TOM1L2: variants seen among roughly 807,000 people sequenced by gnomAD.
TOM1L2 encodes TOM1-like protein 2.
TOM1L2 carries 31 observed loss-of-function variants against 67.9 expected under a neutral mutation model. That is an observed-to-expected ratio of 0.46 (90% confidence interval 0.34 to 0.62). The LOEUF (loss-of-function observed/expected upper bound fraction) is 0.62. TOM1L2 is among the 20% of genes least tolerant of loss of function. TOM1L2 has a pLI of 0.01. For synonymous variants in TOM1L2, 256 were observed against 254.0 expected, an observed-to-expected ratio of 1.01 and a Z score of -0.07; for missense variants, 606 against 663.5, an observed-to-expected ratio of 0.91 and a Z score of 0.95.
Position 17,889,645 on chromosome 17 carries a change from C to A in TOM1L2, c.366+4016G>T, listed in dbSNP as rs569884681. On this transcript the variant is annotated intron_variant, in intron 4 of 14. Coordinates refer to ENST00000379504, the MANE Select transcript of TOM1L2 (RefSeq NM_001082968.2). ...AGGCACGTCTGTGTGGCCCCTTTAC[C>A]TTGAAAGCTTTTCAAGTGCTAACAC... 2.3e-4 allele frequency among the ~76,000 whole-genome samples: 35 copies of A among 152,310 alleles called. No individual in the cohort carries two copies. The South Asian group carries it at 7.0e-3, about 31-fold the overall frequency.
At chr17:17,952,943 T>C (rs574144301) in intron 1 of TOM1L2, among the ~76,000 whole-genome samples, 1 of 152,196 alleles carries the variant, frequency 6.6e-6, no homozygotes, top group East Asian at 1.9e-4. Context: ...AAAAGGTGTA[T>C]ACACATTCTC....
chr17:17,919,640 G>C (rs936171250), intron 1 of TOM1L2, among the ~76,000 whole-genome samples: 1 of 152,198 alleles, frequency 6.6e-6, no homozygotes, highest in Non-Finnish European at 1.5e-5. Flanking sequence ...CCAGGAAGTG[G>C]GGCATGGGGG....
intron 4 of TOM1L2, among the ~76,000 whole-genome samples, chr17:17,890,458 G>A (rs562577842): frequency 2.0e-5 from 3 of 152,314 alleles, no homozygotes; most frequent in South Asian, 2.1e-4. Flanking sequence ...GAAAAGTCAA[G>A]TGCTAGATGC....
At chr17:17,959,495 C>G (rs2041600828) in intron 1 of TOM1L2, among the ~76,000 whole-genome samples, 1 of 152,198 alleles carries the variant, frequency 6.6e-6, no homozygotes, top group Non-Finnish European at 1.5e-5. Context: ...CTAGAGTCTT[C>G]TGATTCTTTG....
intron 1 of TOM1L2, among the ~76,000 whole-genome samples, chr17:17,962,049 G>A (rs985306545): frequency 6.6e-6 from 1 of 152,178 alleles, no homozygotes; most frequent in Non-Finnish European, 1.5e-5. Flanking sequence ...TAACAAGGAA[G>A]GAAACTTTGA....
intron 4 of TOM1L2, among the ~76,000 whole-genome samples, chr17:17,892,679 A>G (rs2038353448): frequency 6.6e-6 from 1 of 151,796 alleles, no homozygotes; most frequent in Admixed American, 6.6e-5. Flanking sequence ...GGTCTCTACA[A>G]CATGTCCACA....
Position 17,847,542 on chromosome 17 carries a change from G to A in TOM1L2, c.*93C>T, listed in dbSNP as rs1022317907. 58 of 1,479,044 alleles carry A rather than the reference G, an allele frequency of 3.9e-5. No homozygotes were observed. Among genetic ancestry groups the A allele is most frequent in the African/African-American group, 2.0e-4 (14 of 71,504 alleles). The allele number at this position is 1,479,044 out of a possible 1,614,324, so 91.6% of individuals were successfully genotyped here. ...CCATGGAAACACAGGTGTGCAGGCC[G>A]TGTGGAGCTGGGGATGTAGGAGTGG... On this transcript the variant is annotated 3_prime_UTR_variant, in exon 15 of 15. Transcript: ENST00000379504.
chr17:17,921,978 CAG>C (rs1258315924), intron 1 of TOM1L2, among the ~76,000 whole-genome samples: 2 of 152,240 alleles, frequency 1.3e-5, no homozygotes, highest in Non-Finnish European at 1.5e-5. Context: ...CTCCCGATGA[CAG>C]AGACACATCC....
In TOM1L2 at chr17:17,937,429, G is replaced by A. The variant is rs555853459; in HGVS notation, c.53-29898C>T. Among the ~76,000 whole-genome samples the A allele has an allele frequency of 3.3e-5, 5 of 152,292 alleles. No homozygotes were observed. The South Asian group carries it at 8.3e-4, about 25-fold the overall frequency. On this transcript the variant is annotated intron_variant, in intron 1 of 14. Coordinates refer to ENST00000379504, the MANE Select transcript of TOM1L2 (RefSeq NM_001082968.2). ...CTCACACCTGGGTCCCATCAGGCTC[G>A]GATTAGGGGACTTTCACAGGTAAGA...
intron 7 of TOM1L2, among the ~76,000 whole-genome samples, chr17:17,874,364 A>G (rs2037316624): frequency 6.6e-6 from 1 of 150,966 alleles, no homozygotes; most frequent in South Asian, 2.1e-4. Context: ...TCCGCCTCCC[A>G]GGTTCAAGCA....
intron 9 of TOM1L2, 44 bp downstream of exon 9, chr17:17,866,832 A>G: frequency 6.4e-7 from 1 of 1,573,822 alleles, no homozygotes; most frequent in Non-Finnish European, 8.7e-7. Flanking sequence ...GTGGAGGGGT[A>G]GGTCTGGCCT....
At chr17:17,937,704 G>T (rs1223131607) in intron 1 of TOM1L2, among the ~76,000 whole-genome samples, 1 of 152,186 alleles carries the variant, frequency 6.6e-6, no homozygotes, top group Non-Finnish European at 1.5e-5. Context: ...TTTTCCTGCA[G>T]GCTGTAGGAA....
chr17:17,852,757 G>C (rs1352777955), intron 12 of TOM1L2, among the ~76,000 whole-genome samples: 1 of 151,482 alleles, frequency 6.6e-6, no homozygotes, highest in Non-Finnish European at 1.5e-5. Flanking sequence ...CCCAGCTACT[G>C]GGGAGGCTGA....
chr17:17,895,293 A>T (rs972486530), intron 3 of TOM1L2, among the ~76,000 whole-genome samples: 4 of 152,196 alleles, frequency 2.6e-5, no homozygotes, highest in African/African-American at 9.7e-5. Flanking sequence ...TGTCACCAGC[A>T]ACAGGGAACA....
At chr17:17,972,205 C>A in intron 1 of TOM1L2, 57 bp downstream of exon 1, 1 of 1,546,594 alleles carries the variant, frequency 6.5e-7, no homozygotes, top group South Asian at 1.2e-5. Context: ...CCGCGGTCCT[C>A]ACCAGCCGGA....
chr17:17,926,689 CTTTACAAA>C (rs2040098407), intron 1 of TOM1L2, among the ~76,000 whole-genome samples: 1 of 152,016 alleles, frequency 6.6e-6, no homozygotes, highest in African/African-American at 2.4e-5. Context: ...GAAACTCCAT[CTTTACAAA>C]ATATACAAAA....
intron 12 of TOM1L2, among the ~76,000 whole-genome samples, chr17:17,853,244 T>C (rs142473918): frequency 5.5e-4 from 84 of 152,258 alleles, no homozygotes; most frequent in African/African-American, 1.9e-3. Context: ...AGAGAGAAAA[T>C]AGTCCCACAC....
chr17:17,918,536 G>T (rs1477155321), intron 1 of TOM1L2, among the ~76,000 whole-genome samples: 1 of 152,170 alleles, frequency 6.6e-6, no homozygotes, highest in Non-Finnish European at 1.5e-5. Flanking sequence ...AAAATTGCAA[G>T]AGGGTGAAAA....
intron 1 of TOM1L2, among the ~76,000 whole-genome samples, chr17:17,912,081 G>A (rs2039385100): frequency 6.6e-6 from 1 of 151,960 alleles, no homozygotes; most frequent in African/African-American, 2.4e-5. Context: ...GCAACCATCC[G>A]ATTTCTCAAT....
Sources: gnomAD v4.1 joint callset for allele counts (sites outside exome capture counted in the v4.1 genomes callset) on GRCh38, gnomAD v4.1.1 for gene constraint, MANE v1.5 for transcripts, NCBI Gene and HGNC (gene_info 2026-07-23, HGNC 2026-07-21) for gene names.